USP34: variants seen among roughly 807,000 people sequenced by gnomAD.
USP34 encodes the protein ubiquitin carboxyl-terminal hydrolase 34.
In USP34, 70 loss-of-function variants were observed where a neutral mutation model predicts 460.3. The ratio of observed to expected loss-of-function variants is 0.15; its 90% CI spans 0.13 to 0.19. USP34 has a LOEUF of 0.19. Among genes scored for constraint, USP34 ranks in the 10% least tolerant of loss-of-function variants. The pLI, the probability that USP34 is intolerant of heterozygous loss-of-function variation, is 1.00. For synonymous variants in USP34, 1,647 were observed against 1,405.3 expected (o/e 1.17, Z -3.85); for missense variants, 3,985 against 4,236.2 (o/e 0.94, Z 1.65).
chr2:61,206,024 G>C lies in USP34; in HGVS notation c.9147C>G (p.Ala3049=), dbSNP rs371612598. 1.5e-5 allele frequency: 24 copies of C among 1,611,778 alleles called. No homozygotes were observed. In the African/African-American group the frequency reaches 3.2e-4, roughly 22 times the overall value. The change falls in exon 72 of 80, where the codon GCC becomes GCG. Residue 3049 remains alanine, a synonymous_variant. Coordinates refer to ENST00000398571, the MANE Select transcript of USP34 (RefSeq NM_014709.4). ...NSYSPPELRN[A]CIDVLKELVL... is the part of the protein sequence containing the mutation. ...ATTTTTCAAGTAACTTACCTATACA[G>C]GCATTTCTAAGTTCTGGAGGACTAT...
chr2:61,271,197 G>C (rs930186855), intron 41 of USP34, among the ~76,000 whole-genome samples: 2 of 152,098 alleles, frequency 1.3e-5, no homozygotes, highest in Admixed American at 6.5e-5. Flanking sequence ...GCTACTCTTT[G>C]GGAGGCTGAG....
intron 65 of USP34, 30 bp from the exon 66 acceptor site, chr2:61,221,636 A>G: frequency 6.3e-7 from 1 of 1,592,820 alleles, no homozygotes; most frequent in Non-Finnish European, 8.6e-7. Flanking sequence ...CTGTGTATTT[A>G]GATCAATCTG....
intron 8 of USP34, among the ~76,000 whole-genome samples, chr2:61,373,929 T>TG (rs1025864739): frequency 6.6e-6 from 1 of 151,946 alleles, no homozygotes; most frequent in African/African-American, 2.4e-5. Flanking sequence ...CCAAGACGGG[T>TG]GGACTGCTTG....
Position 61,347,926 on chromosome 2 carries a change from T to C in USP34, c.2229A>G (p.Gln743=), listed in dbSNP as rs773287357. The C allele has an allele frequency of 6.8e-6, 11 of 1,613,918 alleles. No homozygotes were observed. Among genetic ancestry groups the C allele is most frequent in the Middle Eastern group, 1.6e-4 (1 of 6,084 alleles). The change falls in exon 15 of 80, where the codon CAA becomes CAG. Residue 743 remains glutamine (Q), a synonymous_variant. Transcript: ENST00000398571. ...GGTGGTGATGCTGTGGACCAATAAA[T>C]TGTCGACAATTAAATAATTCATTCC... is the stretch of plus-strand genomic sequence containing the variant. ...TIGNELFNCR[Q]FIGPQHHHHH...
rs559949875 is a variant in USP34 at position 61,190,123 on chromosome 2, G to A, written c.9873+148C>T. Reference sequence around the variant, plus strand: ...TGTGTACATACAAGGCATAGTAAACGTGTATTTAAAACTTGTTTTTTTGTC... The same window carrying A: ...TGTGTACATACAAGGCATAGTAAACATGTATTTAAAACTTGTTTTTTTGTC... On this transcript the variant is annotated intron_variant, in intron 78 of 79. Transcript: ENST00000398571. The A allele has an allele frequency of 6.6e-4, 661 of 1,003,122 alleles. 3 individuals carry two copies. The highest frequency in any genetic ancestry group is 3.0e-3 in the Middle Eastern group (11 of 3,616). 62.1% of individuals were successfully genotyped at this position (1,003,122 alleles called of 1,614,324 possible).
chr2:61,203,975 T>C (rs1236183711), intron 74 of USP34, among the ~76,000 whole-genome samples: 1 of 151,580 alleles, frequency 6.6e-6, no homozygotes, highest in Non-Finnish European at 1.5e-5. Flanking sequence ...AATTTAGATA[T>C]ATGACCCAGT....
At chr2:61,465,294 T>C (rs986493192) in intron 1 of USP34, among the ~76,000 whole-genome samples, 18 of 152,322 alleles carry the variant, frequency 1.2e-4, no homozygotes. Context: ...ATTCTGTGTC[T>C]GTATGCCTCT....
chr2:61,319,891 A>C (rs1311465201), intron 21 of USP34, among the ~76,000 whole-genome samples: 1 of 152,206 alleles, frequency 6.6e-6, no homozygotes, highest in Non-Finnish European at 1.5e-5. Context: ...AGAAGTTAAC[A>C]CTTTGAATAT....
At chr2:61,376,013 G>A (rs1692789368) in intron 8 of USP34, among the ~76,000 whole-genome samples, 1 of 151,976 alleles carries the variant, frequency 6.6e-6, no homozygotes, top group Non-Finnish European at 1.5e-5. Context: ...CTCAAAATGG[G>A]TAAATCTACA....
At chr2:61,462,247 A>G (rs978930053) in intron 1 of USP34, among the ~76,000 whole-genome samples, 6 of 146,796 alleles carry the variant, frequency 4.1e-5, no homozygotes, top group African/African-American at 1.2e-4. Flanking sequence ...CTCAGGGGGA[A>G]AAAAAAAAAA....
At chr2:61,372,692 C>T (rs1692664964) in intron 8 of USP34, among the ~76,000 whole-genome samples, 1 of 152,132 alleles carries the variant, frequency 6.6e-6, no homozygotes, top group African/African-American at 2.4e-5. Context: ...GCTTGGGCAA[C>T]AGAGCAAGAC....
At chr2:61,437,608 A>G (rs1186702) in intron 1 of USP34, among the ~76,000 whole-genome samples, 1 of 151,530 alleles carries the variant, frequency 6.6e-6, no homozygotes, top group African/African-American at 2.4e-5. Flanking sequence ...CCCGTCTCTA[A>G]TAAAAATACA....
intron 3 of USP34, among the ~76,000 whole-genome samples, chr2:61,398,538 G>A (rs1235196448): frequency 1.7e-5 from 2 of 115,466 alleles, no homozygotes; most frequent in Non-Finnish European, 3.6e-5. Context: ...GGAAGGAGGC[G>A]GAAGCGGGGG....
chr2:61,258,744 T>C (rs975556447), intron 44 of USP34, among the ~76,000 whole-genome samples: 1 of 152,180 alleles, frequency 6.6e-6, no homozygotes, highest in Non-Finnish European at 1.5e-5. Context: ...GGAATAATAT[T>C]GTAAGATTTA....
At chr2:61,446,734 T>A (rs544348151) in intron 1 of USP34, among the ~76,000 whole-genome samples, 57 of 150,346 alleles carry the variant, frequency 3.8e-4, no homozygotes, top group African/African-American at 1.3e-3. Context: ...AGGCAGAGGT[T>A]GCAATGAGCC....
intron 20 of USP34, among the ~76,000 whole-genome samples, chr2:61,326,167 G>C (rs1285617709): frequency 1.3e-5 from 2 of 152,084 alleles, no homozygotes; most frequent in South Asian, 2.1e-4. Flanking sequence ...ACCATGTTTG[G>C]GGTGGAGGTA....
At chr2:61,331,480 T>G (rs56399248) in intron 19 of USP34, 109 bp from the exon 20 acceptor site, 135,339 of 813,820 alleles carry the variant, frequency 0.17, 13,233 homozygotes, top group South Asian at 0.35. Flanking sequence ...AATGTAAAAT[T>G]TTAGTTACGA....
At position 61,347,989 on chromosome 2, in the gene USP34, A is replaced by G. The variant is rs1294368838; in HGVS notation, c.2166T>C (p.Cys722=). The G allele has an allele frequency of 3.1e-6, 5 of 1,614,048 alleles. No individual in the cohort carries two copies. Among genetic ancestry groups the G allele is most frequent in the Non-Finnish European group, 4.2e-6 (5 of 1,180,030 alleles). The change falls in exon 15 of 80, where the codon TGT becomes TGC. Residue 722 remains cysteine, a synonymous_variant. Transcript: ENST00000398571. The part of the protein sequence containing the change: ...THIAQGSQES[C]ITRTGDFLGE... ...CAAGGAAGTCCCCAGTTCGTGTGAT[A>G]CAAGACTCCTGAGACCCTTGTGCTA...
At chr2:61,343,737 T>A in intron 16 of USP34, 78 bp downstream of exon 16, 1 of 1,445,788 alleles carries the variant, frequency 6.9e-7, no homozygotes, top group Non-Finnish European at 9.6e-7. Context: ...CCTTAACTAT[T>A]GAGTCCTTTC....
Sources: allele counts gnomAD v4.1 joint callset (sites outside exome capture counted in the v4.1 genomes callset), GRCh38; gene constraint gnomAD v4.1.1; transcripts MANE v1.5; gene names NCBI Gene and HGNC (gene_info 2026-07-23, HGNC 2026-07-21).